Variants in GYG1 observed in about 807,000 individuals in gnomAD.
GYG1 encodes the protein glycogenin-1.
GYG1 carries 44 observed loss-of-function variants against 41.9 expected under a neutral mutation model. The observed-to-expected ratio is 1.05, with a 90% CI of 0.83 to 1.35. The LOEUF is 1.35. GYG1 is among the 40% of genes most tolerant of loss of function. The pLI is 0.00. For synonymous variants in GYG1, 141 were observed against 158.1 expected (o/e 0.89, Z 0.81); for missense variants, 429 against 418.9 (o/e 1.02, Z -0.21).
In GYG1 at chr3:148,996,773, G is replaced by C. The variant is rs1453047975; in HGVS notation, c.350G>C (p.Arg117Thr). The change falls in exon 4 of 8, where the codon AGA becomes ACA. Residue 117 changes from arginine (R) to threonine (T), a missense_variant. Coordinates refer to ENST00000345003, the MANE Select transcript of GYG1 (RefSeq NM_004130.4). ...GCAAATATTGATGATCTTTTTGACA[G>C]AGAAGAATTGTCAGCAGCACCAGAC... ...VLANIDDLFD[R>T]EELSAAPDPG... 6.2e-7 allele frequency: 1 copy of C among 1,613,856 alleles called. No individual in the cohort carries two copies. The highest frequency in any genetic ancestry group is 1.3e-5 in the African/African-American group (1 of 74,916).
In GYG1 at chr3:148,994,250, C is replaced by T; in HGVS notation, c.116C>T (p.Ala39Val). 6.2e-7 allele frequency: 1 copy of T among 1,614,098 alleles called. No homozygotes were observed. The highest frequency in any genetic ancestry group is 8.5e-7 in the Non-Finnish European group (1 of 1,179,996). Residue 39 changes from alanine to valine, a missense_variant, in exon 2 of 8, where the codon GCC becomes GTC. Coordinates refer to ENST00000345003, the MANE Select transcript of GYG1 (RefSeq NM_004130.4). ...ACCACCAGGAGGCTGGTCGTGCTCG[C>T]CACCCCTCAGGTCTCAGACTCCATG... is the stretch of plus-strand genomic sequence containing the variant. The part of the protein sequence containing the change: ...HRTTRRLVVL[A>V]TPQVSDSMRK...
At chr3:149,026,545 C>T (rs1714661860) in intron 7 of GYG1, 43 bp downstream of exon 7, 1 of 1,256,522 alleles carries the variant, frequency 8.0e-7, no homozygotes, top group African/African-American at 1.5e-5. Flanking sequence ...TTTGTTCTCC[C>T]AATGTTTTCA....
chr3:149,027,539 T>G lies in GYG1; in HGVS notation c.*606T>G, dbSNP rs1381346292. 4 of 154,654 alleles carry G rather than the reference T, an allele frequency of 2.6e-5. No individual in the cohort carries two copies. Among genetic ancestry groups the G allele is most frequent in the Non-Finnish European group, 5.8e-5 (4 of 69,326 alleles). 9.6% of individuals were successfully genotyped at this position (154,654 alleles called of 1,614,324 possible). A position where few individuals can be genotyped will look rare whatever the true frequency, so the allele number is the denominator to read the frequency against. On this transcript the variant is annotated 3_prime_UTR_variant, in exon 8 of 8. Coordinates refer to ENST00000345003, the MANE Select transcript of GYG1 (RefSeq NM_004130.4). ...AGTAAGGCAGCATGCTAAAATGCTT[T>G]TGTTCAGTTCTGTATATTTGAAAAT...
chr3:148,994,412 T>G (rs889750306), intron 2 of GYG1, 135 bp downstream of exon 2: 4 of 926,066 alleles, frequency 4.3e-6, no homozygotes, highest in Admixed American at 3.6e-5. Context: ...AGATGCTGAG[T>G]GCAGGATTGC....
chr3:148,998,601 C>T (rs1049543718), intron 4 of GYG1, among the ~76,000 whole-genome samples: 3 of 152,120 alleles, frequency 2.0e-5, no homozygotes, highest in Non-Finnish European at 4.4e-5. Flanking sequence ...TTTAAGCAAC[C>T]TTAAAATAAG....
chr3:148,998,525 C>G (rs1299986474), intron 4 of GYG1, among the ~76,000 whole-genome samples: 1 of 152,182 alleles, frequency 6.6e-6, no homozygotes, highest in African/African-American at 2.4e-5. Context: ...TCTACATGCT[C>G]TAAAACAGAG....
intron 2 of GYG1, among the ~76,000 whole-genome samples, chr3:148,996,075 C>T (rs1487449467): frequency 6.6e-6 from 1 of 152,164 alleles, no homozygotes; most frequent in Non-Finnish European, 1.5e-5. Context: ...GCATTTCATC[C>T]TCACCATAAG....
rs1316252424 is a variant in GYG1 at position 149,027,640 on chromosome 3, T to G, written c.*707T>G. On this transcript the variant is annotated 3_prime_UTR_variant, in exon 8 of 8. Coordinates refer to ENST00000345003, the MANE Select transcript of GYG1 (RefSeq NM_004130.4). ...AAAAGACTTATTGCTGTATCTTGGT[T>G]GTTTAATTAAATTAAGGAATTTCAC... is the stretch of plus-strand genomic sequence containing the variant. 1.3e-5 allele frequency: 2 copies of G among 152,466 alleles called. No homozygotes were observed. Among genetic ancestry groups the G allele is most frequent in the Non-Finnish European group, 2.9e-5 (2 of 68,046 alleles). 9.4% of individuals were successfully genotyped at this position (152,466 alleles called of 1,614,324 possible).
intron 4 of GYG1, 94 bp downstream of exon 4, chr3:148,996,998 C>T: frequency 1.0e-6 from 1 of 966,060 alleles, no homozygotes; most frequent in Admixed American, 1.8e-5. Flanking sequence ...GTTTATTCTG[C>T]CTGGAAGATA....
Position 149,025,849 on chromosome 3 carries a change from TTTAAG to T in GYG1, c.829-599_829-595del, listed in dbSNP as rs369678051. ...AGTTACACTTTAAATGCTAAACTATTTTAAGTTATGTCCAGTATACTTGGCTTGAC... is the reference window on the plus strand; with the variant it reads ...AGTTACACTTTAAATGCTAAACTATTTTATGTCCAGTATACTTGGCTTGAC... On this transcript the variant is annotated intron_variant, in intron 6 of 7. Coordinates refer to ENST00000345003, the MANE Select transcript of GYG1 (RefSeq NM_004130.4). Among the ~76,000 whole-genome samples the T allele has an allele frequency of 5.0e-3, 757 of 152,292 alleles. 7 individuals are homozygous for T. The highest frequency in any genetic ancestry group is 0.018 in the African/African-American group (734 of 41,552).
intron 5 of GYG1, among the ~76,000 whole-genome samples, chr3:149,014,681 A>G (rs779536136): frequency 6.7e-6 from 1 of 150,364 alleles, no homozygotes; most frequent in Non-Finnish European, 1.5e-5. Context: ...CCCTGACACT[A>G]CTAAAAAAAA....
In GYG1 at chr3:149,030,608, C is replaced by G. The variant is rs1244996455; in HGVS notation, c.*3675C>G. On this transcript the variant is annotated 3_prime_UTR_variant, in exon 8 of 8. Coordinates refer to ENST00000345003, the MANE Select transcript of GYG1 (RefSeq NM_004130.4). ...AGTATTGCTATATGGAGAACCCATA[C>G]TCTGATCAACTTGATTTTTTGTGTG... is the stretch of plus-strand genomic sequence containing the variant. The G allele has an allele frequency of 2.0e-5, 3 of 152,176 alleles. No homozygotes were observed. The highest frequency in any genetic ancestry group is 4.4e-5 in the Non-Finnish European group (3 of 68,032). 9.4% of individuals were successfully genotyped at this position (152,176 alleles called of 1,614,324 possible).
At chr3:149,026,569 T>A in intron 7 of GYG1, 67 bp downstream of exon 7, 1 of 1,102,846 alleles carries the variant, frequency 9.1e-7, no homozygotes, top group South Asian at 1.3e-5. Context: ...AGTCAAGAAG[T>A]CTTCATTTTG....
Position 149,027,622 on chromosome 3 carries a change from T to G in GYG1, c.*689T>G, listed in dbSNP as rs1286554532. 2 of 152,600 alleles carry G rather than the reference T, an allele frequency of 1.3e-5. No individual in the cohort carries two copies. Among genetic ancestry groups the G allele is most frequent in the African/African-American group, 4.8e-5 (2 of 41,462 alleles). The allele number at this position is 152,600 out of a possible 1,614,324, so 9.5% of individuals were successfully genotyped here. On this transcript the variant is annotated 3_prime_UTR_variant, in exon 8 of 8. Coordinates refer to ENST00000345003, the MANE Select transcript of GYG1 (RefSeq NM_004130.4). ...GCACCCTGTACAAAAAATAAAAGAC[T>G]TATTGCTGTATCTTGGTTGTTTAAT...
At position 149,027,323 on chromosome 3, in the gene GYG1, T is replaced by C. The variant is rs1341368395; in HGVS notation, c.*390T>C. ...CTGTTCCTTGCTTGCTTGTTGGTTG[T>C]GTACCTTTCACGAGACCTGAATTTT... is the stretch of plus-strand genomic sequence containing the variant. On this transcript the variant is annotated 3_prime_UTR_variant, in exon 8 of 8. Transcript: ENST00000345003. 1 of 246,094 alleles carries C rather than the reference T, an allele frequency of 4.1e-6. No individual in the cohort carries two copies. Among genetic ancestry groups the C allele is most frequent in the Non-Finnish European group, 8.0e-6 (1 of 124,416 alleles). The allele number at this position is 246,094 out of a possible 1,614,324, so 15.2% of individuals were successfully genotyped here. A position where few individuals can be genotyped will look rare whatever the true frequency, so the allele number is the denominator to read the frequency against.
intron 4 of GYG1, 116 bp downstream of exon 4, chr3:148,997,020 G>A (rs1271682009): frequency 1.2e-6 from 1 of 803,474 alleles, no homozygotes; most frequent in Non-Finnish European, 2.1e-6. Context: ...AAGAGATGGA[G>A]CAAGCATTTT....
At position 149,009,324 on chromosome 3, in the gene GYG1, C is replaced by T; in HGVS notation, c.530C>T (p.Thr177Ile). The T allele has an allele frequency of 1.2e-6, 2 of 1,612,914 alleles. No homozygotes were observed. Among genetic ancestry groups the T allele is most frequent in the Admixed American group, 1.7e-5 (1 of 60,014 alleles). ...LNTFFSSWAT[T>I]DIRKHLPFIY... ...ACATTTTTTAGCAGCTGGGCAACAA[C>T]AGATATCAGAAAACACCTGCCGTTT... Residue 177 changes from threonine (T) to isoleucine (I), a missense_variant, in exon 5 of 8, where the codon ACA becomes ATA. Physicochemically the swap from Thr to Ile is moderately conservative, Grantham distance 89. Transcript: ENST00000345003.
At chr3:149,013,096 T>A (rs1713829518) in intron 5 of GYG1, among the ~76,000 whole-genome samples, 1 of 151,646 alleles carries the variant, frequency 6.6e-6, no homozygotes, top group South Asian at 2.1e-4. Flanking sequence ...CAAGTGATCC[T>A]CCCACTTCAG....
At chr3:149,018,817 C>A (rs1714209963) in intron 5 of GYG1, among the ~76,000 whole-genome samples, 3 of 152,138 alleles carry the variant, frequency 2.0e-5, no homozygotes, top group African/African-American at 7.2e-5. Context: ...ACCTGTAATC[C>A]CAGCACTTTG....
Sources: allele counts gnomAD v4.1 joint callset (sites outside exome capture counted in the v4.1 genomes callset), GRCh38; gene constraint gnomAD v4.1.1; transcripts MANE v1.5; gene names NCBI Gene and HGNC (gene_info 2026-07-23, HGNC 2026-07-21).